RBFOX3: variants seen among roughly 807,000 people sequenced by gnomAD.
RBFOX3 encodes RNA binding protein fox-1 homolog 3.
Under a neutral mutation model 48.7 loss-of-function variants are expected in RBFOX3, and 17 were observed. That is an observed-to-expected ratio of 0.35 (90% confidence interval 0.24 to 0.52). The LOEUF (loss-of-function observed/expected upper bound fraction) is 0.52, where lower values mean the gene tolerates loss of function less well. Ranked by LOEUF, RBFOX3 falls within the 20% of genes least tolerant of loss-of-function variation. The pLI is 0.94. For missense variants in RBFOX3, 382 were observed against 497.5 expected, an observed-to-expected ratio of 0.77 and a Z score of 2.21; for synonymous variants, 212 against 209.5, an observed-to-expected ratio of 1.01 and a Z score of -0.10.
intron 3 of RBFOX3, among the ~76,000 whole-genome samples, chr17:79,244,647 T>C (rs1253833121): frequency 1.3e-5 from 2 of 152,146 alleles, no homozygotes; most frequent in Admixed American, 6.5e-5. Flanking sequence ...GACTTCTCCA[T>C]GATGTTATTC....
chr17:79,241,556 T>G (rs1011455583), intron 3 of RBFOX3, among the ~76,000 whole-genome samples: 3 of 152,144 alleles, frequency 2.0e-5, no homozygotes, highest in Non-Finnish European at 4.4e-5. Flanking sequence ...GGTGACTCTG[T>G]GCTGAGGAAG....
intron 2 of RBFOX3, among the ~76,000 whole-genome samples, chr17:79,394,132 ATC>A (rs1352335015): frequency 1.3e-5 from 2 of 152,200 alleles, no homozygotes; most frequent in African/African-American, 4.8e-5. Context: ...CATCACGCAC[ATC>A]TGAGTTGGTC....
intron 3 of RBFOX3, among the ~76,000 whole-genome samples, chr17:79,282,740 C>T (rs1195080322): frequency 1.3e-5 from 2 of 152,222 alleles, no homozygotes; most frequent in Non-Finnish European, 2.9e-5. Context: ...GGGGCCTCAG[C>T]CCACCTCTTC....
chr17:79,662,132 C>CTTTTTTTTTTTTTTTTTTTTTTT, the RBFOX3 span, among the ~76,000 whole-genome samples: 26 of 96,864 alleles, frequency 2.7e-4, 10 homozygotes, highest in South Asian at 7.5e-4. Flanking sequence ...CCTGTTTATT[C>CTTTTTTTTTTTTTTTTTTTTTTT]TTTTTTTTTT....
intron 1 of RBFOX3, among the ~76,000 whole-genome samples, chr17:79,527,065 C>T (rs920589643): frequency 1.3e-5 from 2 of 152,194 alleles, no homozygotes; most frequent in Admixed American, 6.5e-5. Context: ...CTGAGCTCCA[C>T]CTCTGTCCTC....
At chr17:79,472,888 T>G (rs2077223276) in intron 2 of RBFOX3, among the ~76,000 whole-genome samples, 1 of 152,212 alleles carries the variant, frequency 6.6e-6, no homozygotes, top group Non-Finnish European at 1.5e-5. Context: ...TCCAATTCAT[T>G]CTGGACCTAC....
intron 1 of RBFOX3, among the ~76,000 whole-genome samples, chr17:79,543,815 A>G (rs558838579): frequency 6.6e-6 from 1 of 152,214 alleles, no homozygotes; most frequent in Non-Finnish European, 1.5e-5. Context: ...GCTACTGGTC[A>G]ACCAGGAAAG....
chr17:79,092,468 G>A (rs1411360165), intron 14 of RBFOX3: 1 of 985,756 alleles, frequency 1.0e-6, no homozygotes, highest in Non-Finnish European at 1.2e-6. Flanking sequence ...GAGTTGCAGG[G>A]GGCCAGCCGT....
intron 4 of RBFOX3, among the ~76,000 whole-genome samples, chr17:79,127,823 C>T (rs1863247193): frequency 6.6e-6 from 1 of 152,206 alleles, no homozygotes; most frequent in Admixed American, 6.5e-5. Flanking sequence ...CCCCCGATCC[C>T]AGGAGGTTCA....
chr17:79,601,105 G>C (rs977042244), intron 1 of RBFOX3: 1 of 152,220 alleles, frequency 6.6e-6, no homozygotes, highest in Admixed American at 6.5e-5. Context: ...CTGCAGCCTC[G>C]AGGGGCCCCG....
chr17:79,130,091 C>T (rs1410760228), intron 4 of RBFOX3, among the ~76,000 whole-genome samples: 1 of 152,196 alleles, frequency 6.6e-6, no homozygotes, highest in Admixed American at 6.5e-5. Flanking sequence ...ACCTGAGTGA[C>T]TTGCTCCCAC....
At chr17:79,578,168 G>A (rs2092924930) in intron 1 of RBFOX3, among the ~76,000 whole-genome samples, 1 of 152,252 alleles carries the variant, frequency 6.6e-6, no homozygotes, top group Non-Finnish European at 1.5e-5. Flanking sequence ...AGGCCACCTG[G>A]AGCGCTTCTC....
chr17:79,265,690 T>C (rs1157409375), intron 3 of RBFOX3, among the ~76,000 whole-genome samples: 1 of 152,244 alleles, frequency 6.6e-6, no homozygotes, highest in East Asian at 1.9e-4. Flanking sequence ...CCTTTCAAGA[T>C]CACTGCTATT....
intron 3 of RBFOX3, among the ~76,000 whole-genome samples, chr17:79,241,697 T>C (rs2062404407): frequency 6.6e-6 from 1 of 152,218 alleles, no homozygotes; most frequent in African/African-American, 2.4e-5. Flanking sequence ...AGAAATGTAT[T>C]TCTCCCAGTT....
chr17:79,115,686 GTA>G lies in RBFOX3; in HGVS notation c.28_29del (p.Tyr10ProfsTer123). The G allele has an allele frequency of 2.4e-6, 1 of 418,212 alleles. No individual in the cohort carries two copies. Among genetic ancestry groups the G allele is most frequent in the Non-Finnish European group, 4.2e-6 (1 of 238,724 alleles). The allele number at this position is 418,212 out of a possible 1,614,324, so 25.9% of individuals were successfully genotyped here. A position where few individuals can be genotyped will look rare whatever the true frequency, so the allele number is the denominator to read the frequency against. On this transcript the variant is annotated frameshift_variant, in exon 5 of 15. Transcript: ENST00000693108. LOFTEE classifies it high-confidence loss of function. MAQPYPPAQ[Y>X]PPPPQNGIPA... ...GGATGCCGTTCTGTGGCGGAGGGGG[GTA>G]CTGGGCGGGGGGGTAGGGCTGGGCC...
At position 79,204,866 on chromosome 17, in the gene RBFOX3, A is replaced by G. The variant is rs531611628; in HGVS notation, c.-34+30900T>C. Among the ~76,000 whole-genome samples the G allele has an allele frequency of 1.3e-5, 2 of 152,316 alleles. No individual in the cohort carries two copies. Among genetic ancestry groups the G allele is most frequent in the East Asian group, 3.9e-4 (2 of 5,188 alleles). ...CACCGTGGTCAGCCAGGCTTTGGAGATGACCAGGGTGCTTTGAACTACAGA... is the reference window on the plus strand; with the variant it reads ...CACCGTGGTCAGCCAGGCTTTGGAGGTGACCAGGGTGCTTTGAACTACAGA... On this transcript the variant is annotated intron_variant, in intron 4 of 14. Transcript: ENST00000693108. The surrounding 1 kb of genome is among the most constrained non-coding windows in gnomAD (Gnocchi z 4.5).
chr17:79,241,292 G>C (rs2062336579), intron 3 of RBFOX3, among the ~76,000 whole-genome samples: 1 of 152,040 alleles, frequency 6.6e-6, no homozygotes. Flanking sequence ...GGGGCTACAG[G>C]TGTGAACCAT....
chr17:79,222,661 C>CA (rs1730452700), intron 4 of RBFOX3, among the ~76,000 whole-genome samples: 2 of 152,246 alleles, frequency 1.3e-5, no homozygotes, highest in South Asian at 4.1e-4. Flanking sequence ...CCTTGAGCCC[C>CA]TCCTCCATGT....
Position 79,576,822 on chromosome 17 carries a change from A to G in RBFOX3, c.-320+34004T>C, listed in dbSNP as rs960917433. ...GATCATGGAGAAGATGGAGATGGAG[A>G]TGGGTAGAGACAGCCTACTGGTTCT... On this transcript the variant is annotated intron_variant, in intron 1 of 14. Coordinates refer to ENST00000693108, the MANE Select transcript of RBFOX3 (RefSeq NM_001350451.2). Among the ~76,000 whole-genome samples the G allele has an allele frequency of 1.1e-3, 168 of 152,256 alleles. 9 individuals carry two copies. The East Asian group carries it at 0.028, about 26-fold the overall frequency.
Sources: allele counts gnomAD v4.1 joint callset (sites outside exome capture counted in the v4.1 genomes callset), GRCh38; gene constraint gnomAD v4.1.1; non-coding constraint Gnocchi (gnomAD v3.1); transcripts MANE v1.5; gene names NCBI Gene and HGNC (gene_info 2026-07-23, HGNC 2026-07-21).